PRELID2: variants seen among roughly 807,000 people sequenced by gnomAD.
PRELID2 encodes PRELI domain-containing protein 2.
PRELID2 carries 25 observed loss-of-function variants against 28.4 expected under a neutral mutation model. The observed-to-expected ratio is 0.88, with a 90% CI of 0.64 to 1.23. PRELID2 has a LOEUF of 1.23. PRELID2 is among the 50% of genes most tolerant of loss of function. The pLI is 0.00. For missense variants in PRELID2, 201 were observed against 214.4 expected, an observed-to-expected ratio of 0.94 and a Z score of 0.39; for synonymous variants, 76 against 71.6, an observed-to-expected ratio of 1.06 and a Z score of -0.31.
At chr5:145,754,813 AT>A (rs1757214323), downstream of PRELID2, among the ~76,000 whole-genome samples, 1 of 152,190 alleles carries the variant, frequency 6.6e-6, no homozygotes, top group African/African-American at 2.4e-5. Flanking sequence ...GTGGCAGGCC[AT>A]CCACGTCAAT....
At chr5:145,328,209 A>T in the PRELID2 span, among the ~76,000 whole-genome samples, 1 of 152,100 alleles carries the variant, frequency 6.6e-6, no homozygotes, top group Non-Finnish European at 1.5e-5. Context: ...GCTGGTTTCA[A>T]GCTTTTGCTA....
chr5:145,352,283 C>T, the PRELID2 span, among the ~76,000 whole-genome samples: 1 of 152,328 alleles, frequency 6.6e-6, no homozygotes, highest in South Asian at 2.1e-4. Context: ...TTCCATACAT[C>T]CTCTGAAATC....
chr5:145,265,981 A>C, the PRELID2 span, among the ~76,000 whole-genome samples: 4 of 152,222 alleles, frequency 2.6e-5, no homozygotes, highest in Non-Finnish European at 5.9e-5. Context: ...ACTTAAACTA[A>C]AAAGCTTCTG....
chr5:145,529,465 T>C (rs1752637432), intron 1 of PRELID2, among the ~76,000 whole-genome samples: 1 of 152,200 alleles, frequency 6.6e-6, no homozygotes, highest in Admixed American at 6.6e-5. Flanking sequence ...AACTTCATGG[T>C]TTATAAAGTA....
chr5:145,721,341 T>C (rs1755984394), intron 1 of PRELID2, among the ~76,000 whole-genome samples: 1 of 152,122 alleles, frequency 6.6e-6, no homozygotes, highest in Non-Finnish European at 1.5e-5. Flanking sequence ...GAACAGCTAT[T>C]GTATAGATCA....
intron 1 of PRELID2, among the ~76,000 whole-genome samples, chr5:145,503,670 T>C (rs12657244): frequency 0.21 from 31,973 of 152,126 alleles, 3,456 homozygotes; most frequent in South Asian, 0.36. Context: ...CATTGAATCA[T>C]CATATTAATT....
At chr5:145,335,311 C>A in the PRELID2 span, among the ~76,000 whole-genome samples, 1 of 151,660 alleles carries the variant, frequency 6.6e-6, no homozygotes, top group Non-Finnish European at 1.5e-5. Flanking sequence ...CTGTTTAGTC[C>A]TTTTTAATCA....
chr5:145,457,756 G>T, the PRELID2 span, among the ~76,000 whole-genome samples: 314 of 152,254 alleles, frequency 2.1e-3, 1 homozygote, highest in Non-Finnish European at 3.6e-3. Context: ...AAGGCTCAGT[G>T]GACAAAAGTC....
intron 1 of PRELID2, among the ~76,000 whole-genome samples, chr5:145,550,910 T>C (rs889313687): frequency 2.0e-5 from 3 of 152,186 alleles, no homozygotes; most frequent in Non-Finnish European, 2.9e-5. Context: ...CTAAGTTGTA[T>C]AGATAGAAAA....
At chr5:145,332,661 A>G in the PRELID2 span, among the ~76,000 whole-genome samples, 1 of 152,004 alleles carries the variant, frequency 6.6e-6, no homozygotes, top group Non-Finnish European at 1.5e-5. Context: ...CTAATTAGCA[A>G]TTCTTCTAAC....
chr5:145,360,063 A>T, the PRELID2 span, among the ~76,000 whole-genome samples: 1 of 152,210 alleles, frequency 6.6e-6, no homozygotes, highest in African/African-American at 2.4e-5. Context: ...TGCCATAAGT[A>T]TCACAAAGCT....
the PRELID2 span, among the ~76,000 whole-genome samples, chr5:145,348,958 C>T: frequency 4.6e-5 from 7 of 152,200 alleles, no homozygotes; most frequent in Admixed American, 3.9e-4. Context: ...TTTGATAGAT[C>T]TCATCAAAAG....
the PRELID2 span, among the ~76,000 whole-genome samples, chr5:145,340,770 C>CATACAT: frequency 1.5e-4 from 17 of 116,536 alleles, no homozygotes; most frequent in Non-Finnish European, 1.9e-4. Context: ...TAAAAATATA[C>CATACAT]ATATATATAT....
At chr5:145,333,640 C>A in the PRELID2 span, among the ~76,000 whole-genome samples, 1 of 152,120 alleles carries the variant, frequency 6.6e-6, no homozygotes, top group African/African-American at 2.4e-5. Flanking sequence ...TCAAGCATCC[C>A]AGGTTACTTC....
chr5:145,736,635 A>C (rs777657070), intron 1 of PRELID2, among the ~76,000 whole-genome samples: 86 of 152,176 alleles, frequency 5.7e-4, no homozygotes, highest in Non-Finnish European at 9.6e-4. Context: ...CTTCTGAGCA[A>C]AATATTTGTT....
At chr5:145,597,469 A>G (rs552193479) in intron 1 of PRELID2, among the ~76,000 whole-genome samples, 1 of 152,296 alleles carries the variant, frequency 6.6e-6, no homozygotes, top group South Asian at 2.1e-4. Flanking sequence ...CACAGAGTAG[A>G]AAAAATTAGT....
exon 3 of PRELID2, chr5:145,471,816 C>G (rs1561489640): frequency 1.3e-5 from 2 of 152,056 alleles, no homozygotes; most frequent in African/African-American, 2.4e-5. Flanking sequence ...CCAACTTAGG[C>G]CATCCAAAAA....
At chr5:145,584,036 C>G (rs1459132620) in intron 1 of PRELID2, among the ~76,000 whole-genome samples, 1 of 152,106 alleles carries the variant, frequency 6.6e-6, no homozygotes, top group East Asian at 1.9e-4. Flanking sequence ...CAACTTCAAA[C>G]TACACTGCAA....
At chr5:145,666,684 G>A (rs1754602527) in intron 1 of PRELID2, among the ~76,000 whole-genome samples, 2 of 152,006 alleles carry the variant, frequency 1.3e-5, no homozygotes, top group Admixed American at 6.6e-5. Context: ...TAAGAACATG[G>A]TTATTAATTG....
Sources: allele counts gnomAD v4.1 joint callset (sites outside exome capture counted in the v4.1 genomes callset), GRCh38; gene constraint gnomAD v4.1.1; transcripts MANE v1.5; gene names NCBI Gene and HGNC (gene_info 2026-07-23, HGNC 2026-07-21).